Variants in RYR3 observed in about 807,000 individuals in gnomAD.
RYR3 encodes brain ryanodine receptor-calcium release channel.
Under a neutral mutation model 584.3 loss-of-function variants are expected in RYR3, and 207 were observed. The observed-to-expected ratio is 0.35, with a 90% CI of 0.32 to 0.40. The LOEUF (loss-of-function observed/expected upper bound fraction) is 0.40. Among genes scored for constraint, RYR3 ranks in the 10% least tolerant of loss-of-function variants. The pLI is 1.00. For missense variants in RYR3, 5,616 were observed against 6,089.2 expected (o/e 0.92, Z 2.59); for synonymous variants, 2,416 against 2,248.5 (o/e 1.07, Z -2.11).
intron 1 of RYR3, among the ~76,000 whole-genome samples, chr15:33,334,103 T>C (rs1389825192): frequency 2.0e-5 from 3 of 152,216 alleles, no homozygotes; most frequent in Non-Finnish European, 4.4e-5. Context: ...ATGGCCATAC[T>C]GCCCAAAGCA....
chr15:33,393,083 C>G (rs2141298231), intron 1 of RYR3, among the ~76,000 whole-genome samples: 1 of 152,340 alleles, frequency 6.6e-6, no homozygotes, highest in Non-Finnish European at 1.5e-5. Context: ...ATCTCTGTCA[C>G]ATGGAACCAG....
chr15:33,403,955 A>G (rs1469120138), intron 1 of RYR3, among the ~76,000 whole-genome samples: 4 of 152,222 alleles, frequency 2.6e-5, no homozygotes, highest in Non-Finnish European at 4.4e-5. Context: ...AAAAAATGCA[A>G]TAGCCAAAAA....
At chr15:33,600,556 G>A (rs1235268066) in intron 16 of RYR3, among the ~76,000 whole-genome samples, 7 of 152,036 alleles carry the variant, frequency 4.6e-5, no homozygotes, top group African/African-American at 1.7e-4. Context: ...GGCAGACAGA[G>A]ACTGTTTTGC....
At chr15:33,681,386 C>T (rs1204273335) in intron 38 of RYR3, among the ~76,000 whole-genome samples, 1 of 152,222 alleles carries the variant, frequency 6.6e-6, no homozygotes, top group African/African-American at 2.4e-5. Flanking sequence ...AGTAGGGCTG[C>T]ATTCCTTCTG....
chr15:33,686,304 C>T (rs1339043034), intron 38 of RYR3, among the ~76,000 whole-genome samples: 7 of 152,106 alleles, frequency 4.6e-5, no homozygotes, highest in Admixed American at 6.6e-5. Context: ...AACACTTCTA[C>T]GCAAATAAAC....
chr15:33,506,528 T>G (rs573416533), intron 3 of RYR3, among the ~76,000 whole-genome samples: 3 of 152,198 alleles, frequency 2.0e-5, no homozygotes, highest in Non-Finnish European at 4.4e-5. Context: ...ATTTCCCACC[T>G]TGACACATTT....
chr15:33,667,572 C>T (rs2063554662), intron 36 of RYR3, among the ~76,000 whole-genome samples: 1 of 152,072 alleles, frequency 6.6e-6, no homozygotes, highest in South Asian at 2.1e-4. Flanking sequence ...AGATCATTTT[C>T]TCTAATGAGT....
At chr15:33,519,486 T>C (rs1425495994) in intron 3 of RYR3, among the ~76,000 whole-genome samples, 1 of 152,122 alleles carries the variant, frequency 6.6e-6, no homozygotes, top group African/African-American at 2.4e-5. Flanking sequence ...GCATGCATCA[T>C]ACATGAAGGG....
intron 45 of RYR3, among the ~76,000 whole-genome samples, 159 bp from the exon 46 acceptor site, chr15:33,726,227 C>A (rs2068443597): frequency 6.6e-6 from 1 of 152,106 alleles, no homozygotes; most frequent in Non-Finnish European, 1.5e-5. Flanking sequence ...AGATGCCACT[C>A]TCCTCTTTCC....
chr15:33,753,407 C>G (rs901805790), intron 57 of RYR3, among the ~76,000 whole-genome samples: 2 of 152,164 alleles, frequency 1.3e-5, no homozygotes, highest in Admixed American at 6.5e-5. Flanking sequence ...TCAAAATCAT[C>G]TAGGTGAATG....
At chr15:33,652,233 A>G (rs2062518897) in intron 31 of RYR3, among the ~76,000 whole-genome samples, 1 of 152,172 alleles carries the variant, frequency 6.6e-6, no homozygotes, top group South Asian at 2.1e-4. Context: ...CAGGCCGGCC[A>G]TCCTAAGGAA....
At chr15:33,472,274 A>G (rs891101222) in intron 1 of RYR3, among the ~76,000 whole-genome samples, 15 of 152,218 alleles carry the variant, frequency 9.9e-5, no homozygotes, top group Non-Finnish European at 1.9e-4. Flanking sequence ...GGGTCTGTTA[A>G]TCGTGAATTG....
At chr15:33,430,691 A>G (rs376371589) in intron 1 of RYR3, among the ~76,000 whole-genome samples, 75 of 152,272 alleles carry the variant, frequency 4.9e-4, no homozygotes, top group African/African-American at 1.7e-3. Flanking sequence ...TTCTATAAGG[A>G]ACAAAACATT....
chr15:33,530,054 C>G (rs898122757), intron 3 of RYR3, among the ~76,000 whole-genome samples: 1 of 152,066 alleles, frequency 6.6e-6, no homozygotes, highest in African/African-American at 2.4e-5. Flanking sequence ...AACTGGTTAC[C>G]CTTTTAAAGT....
intron 38 of RYR3, among the ~76,000 whole-genome samples, chr15:33,677,570 G>A (rs530913206): frequency 6.6e-6 from 1 of 152,320 alleles, no homozygotes; most frequent in African/African-American, 2.4e-5. Flanking sequence ...TAGTCTGATG[G>A]ATGAAACCCC....
At chr15:33,788,579 C>T (rs1325832613) in intron 67 of RYR3, 121 bp downstream of exon 67, 1 of 1,068,056 alleles carries the variant, frequency 9.4e-7, no homozygotes. Flanking sequence ...ATAGCCGCCC[C>T]CACCATTCTC....
intron 36 of RYR3, among the ~76,000 whole-genome samples, chr15:33,668,185 C>T (rs9302274): frequency 0.027 from 3,947 of 148,672 alleles, 191 homozygotes; most frequent in African/African-American, 0.091. Flanking sequence ...GGCGTGTTGG[C>T]GGGCGCCTGT....
intron 1 of RYR3, among the ~76,000 whole-genome samples, chr15:33,318,085 T>TG (rs566085475): frequency 1.6e-3 from 243 of 152,224 alleles, no homozygotes; most frequent in Non-Finnish European, 3.0e-3. Flanking sequence ...CTCTTCCCTC[T>TG]GGGGTGACAG....
intron 5 of RYR3, among the ~76,000 whole-genome samples, chr15:33,536,616 A>G (rs2055350577): frequency 6.6e-6 from 1 of 152,108 alleles, no homozygotes; most frequent in African/African-American, 2.4e-5. Context: ...GACCCCCTTC[A>G]TCATGGACAC....
Sources: gnomAD v4.1 joint callset for allele counts (sites outside exome capture counted in the v4.1 genomes callset) on GRCh38, gnomAD v4.1.1 for gene constraint, MANE v1.5 for transcripts, NCBI Gene and HGNC (gene_info 2026-07-23, HGNC 2026-07-21) for gene names.